SF3B3: variants seen among roughly 807,000 people sequenced by gnomAD.
SF3B3 encodes the protein SAP 130.
A neutral mutation model predicts 139.2 loss-of-function variants in SF3B3; 33 were observed. The observed-to-expected ratio is 0.24, with a 90% CI of 0.18 to 0.32. SF3B3 has a LOEUF of 0.32. Ranked by LOEUF, SF3B3 falls within the 10% of genes least tolerant of loss-of-function variation. The pLI is 1.00. For synonymous variants in SF3B3, 596 were observed against 563.6 expected (o/e 1.06, Z -0.81); for missense variants, 818 against 1,509.4 (o/e 0.54, Z 7.59).
At chr16:70,527,458 TCTGAATACTTAATGTGGTA>T (rs1281484357) in intron 2 of SF3B3, among the ~76,000 whole-genome samples, 11 of 152,238 alleles carry the variant, frequency 7.2e-5, no homozygotes, top group East Asian at 1.9e-4. Context: ...GAGGTTTAAC[TCTGAATACTTAATGTGGTA>T]CTGAATACTT....
rs1489711704 is a variant in SF3B3, at chr16:70,560,582, C to G, written c.2124C>G (p.Gly708=). ...PVKLFRVRMQ[G]QEAVLAMSSR... is the part of the protein sequence containing the mutation. ...AGCTCTTCCGAGTCCGAATGCAAGGCCAGGAGGCAGTAAGTAATGAAGGTT... is the reference window on the plus strand; with the variant it reads ...AGCTCTTCCGAGTCCGAATGCAAGGGCAGGAGGCAGTAAGTAATGAAGGTT... The change falls in exon 16 of 26, where the codon GGC becomes GGG. Residue 708 remains glycine, a synonymous_variant. Coordinates refer to ENST00000302516, the MANE Select transcript of SF3B3 (RefSeq NM_012426.5). The G allele has an allele frequency of 1.2e-5, 20 of 1,613,468 alleles. No homozygotes were observed. Among genetic ancestry groups the G allele is most frequent in the Admixed American group, 1.7e-5 (1 of 59,994 alleles).
Position 70,568,489 on chromosome 16 carries a change from A to G in SF3B3, c.3159A>G (p.Ile1053Met). The G allele has an allele frequency of 6.2e-7, 1 of 1,612,884 alleles. No individual in the cohort carries two copies. Among genetic ancestry groups the G allele is most frequent in the Non-Finnish European group, 8.5e-7 (1 of 1,179,276 alleles). ...CTGGGGCAGACAAGTTTGGCAACAT[A>G]TGTGTGGTGAGTTGATGTTGTTAAC... Reference protein sequence around the residue: ...TVAGADKFGNICVVRLPPNTN... With the variant: ...TVAGADKFGNMCVVRLPPNTN... The change falls in exon 22 of 26, where the codon ATA (isoleucine) becomes ATG (methionine). Residue 1053 changes from isoleucine to methionine, a missense_variant. This residue lies in a region of SF3B3 where 91 missense variants were observed against 171.8 expected (regional missense o/e 0.53). Coordinates refer to ENST00000302516, the MANE Select transcript of SF3B3 (RefSeq NM_012426.5).
chr16:70,544,679 A>G (rs1567415562), intron 10 of SF3B3, 146 bp downstream of exon 10: 2 of 600,366 alleles, frequency 3.3e-6, no homozygotes, highest in East Asian at 2.9e-5. Context: ...CCCGAAGTTT[A>G]TACTTCAGAT....
chr16:70,526,202 TTTTA>T (rs1350466228), intron 1 of SF3B3, among the ~76,000 whole-genome samples: 1 of 151,778 alleles, frequency 6.6e-6, no homozygotes, highest in Non-Finnish European at 1.5e-5. Flanking sequence ...GTCCCGTGCT[TTTTA>T]TTTATTTATT....
intron 11 of SF3B3, among the ~76,000 whole-genome samples, chr16:70,549,599 T>C (rs577440928): frequency 1.3e-5 from 2 of 152,332 alleles, no homozygotes; most frequent in South Asian, 4.1e-4. Flanking sequence ...TTTCTTTTTT[T>C]CTTTTAACTT....
At chr16:70,538,244 C>A (rs902375639) in intron 6 of SF3B3, 79 bp from the exon 7 acceptor site, 25 of 1,293,628 alleles carry the variant, frequency 1.9e-5, no homozygotes, top group African/African-American at 2.9e-5. Context: ...CATTTGTAAT[C>A]CCTATTGGTA....
intron 12 of SF3B3, 62 bp from the exon 13 acceptor site, chr16:70,554,989 G>C (rs2050366033): frequency 6.6e-7 from 1 of 1,505,176 alleles, no homozygotes; most frequent in Non-Finnish European, 9.1e-7. Context: ...ATAGATGTGA[G>C]GGTCATTCTG....
chr16:70,544,985 A>G lies in SF3B3; in HGVS notation c.1329+452A>G, dbSNP rs183475199. Among the ~76,000 whole-genome samples the G allele has an allele frequency of 3.3e-5, 5 of 152,366 alleles. No individual in the cohort carries two copies. The East Asian group carries it at 9.6e-4, about 29-fold the overall frequency. On this transcript the variant is annotated intron_variant, in intron 10 of 25. Coordinates refer to ENST00000302516, the MANE Select transcript of SF3B3 (RefSeq NM_012426.5). ...ATCTAGTCTTAGTTAAATCAACTAT[A>G]TCAATGCTATATATATTTTTGTATC...
intron 11 of SF3B3, among the ~76,000 whole-genome samples, chr16:70,552,589 C>G (rs994590540): frequency 6.6e-6 from 1 of 152,162 alleles, no homozygotes; most frequent in African/African-American, 2.4e-5. Flanking sequence ...TAACCAAAAA[C>G]CAAGTATCTA....
intron 15 of SF3B3, among the ~76,000 whole-genome samples, chr16:70,559,674 G>C (rs2050410387): frequency 6.6e-6 from 1 of 152,042 alleles, no homozygotes; most frequent in Non-Finnish European, 1.5e-5. Context: ...GTGACAGAGT[G>C]AGAACCTGTC....
At position 70,532,636 on chromosome 16, in the gene SF3B3, AGCT is replaced by A; in HGVS notation, c.712+20_712+22del. 1.2e-6 allele frequency: 2 copies of A among 1,613,664 alleles called. No individual in the cohort carries two copies. The highest frequency in any genetic ancestry group is 1.7e-6 in the Non-Finnish European group (2 of 1,179,630). On this transcript the variant is annotated intron_variant, in intron 5 of 25. Transcript: ENST00000302516. ...CTTATTACAGGTACTTTTCTTTCAG[AGCT>A]GCTTTGTACCCTTTTACTTGGTTCA...
intron 18 of SF3B3, among the ~76,000 whole-genome samples, chr16:70,564,465 A>G (rs1179456774): frequency 1.3e-5 from 2 of 152,162 alleles, no homozygotes; most frequent in African/African-American, 4.8e-5. Context: ...GCCCCAAAGT[A>G]CTTCATTTTA....
At chr16:70,568,693 T>G (rs938052804) in intron 22 of SF3B3, among the ~76,000 whole-genome samples, 198 bp downstream of exon 22, 4 of 152,222 alleles carry the variant, frequency 2.6e-5, no homozygotes, top group African/African-American at 9.6e-5. Flanking sequence ...GTGGTTTATC[T>G]CCCTCCTCCC....
At chr16:70,564,095 A>C (rs1268614570) in intron 18 of SF3B3, 45 bp downstream of exon 18, 2 of 1,589,770 alleles carry the variant, frequency 1.3e-6, no homozygotes, top group Non-Finnish European at 1.7e-6. Flanking sequence ...GATGTGTGAA[A>C]TTATGTTGAA....
chr16:70,538,997 G>T (rs1380131170), intron 7 of SF3B3, 107 bp from the exon 8 acceptor site: 1 of 833,082 alleles, frequency 1.2e-6, no homozygotes, highest in Non-Finnish European at 2.1e-6. Flanking sequence ...TTGACCCCTG[G>T]TCAGATATGA....
rs373790114 is a variant in SF3B3 at position 70,529,288 on chromosome 16, T to TA, written c.397+90dup. On this transcript the variant is annotated intron_variant, in intron 3 of 25. Transcript: ENST00000302516. ...GGTGTGCCAGTGCCAATTAATTACT[T>TA]ATGTGGGTTTGGCATCATGTTTGGA... 32 of 1,070,574 alleles carry TA rather than the reference T, an allele frequency of 3.0e-5. No homozygotes were observed. The East Asian group carries it at 7.2e-4, about 24-fold the overall frequency. 66.3% of individuals were successfully genotyped at this position (1,070,574 alleles called of 1,614,324 possible).
At chr16:70,531,035 G>A in intron 4 of SF3B3, 118 bp downstream of exon 4, 1 of 834,752 alleles carries the variant, frequency 1.2e-6, no homozygotes, top group Non-Finnish European at 1.9e-6. Flanking sequence ...TGGGAGGCAA[G>A]GCTGGCGGAT....
intron 19 of SF3B3, 26 bp from the exon 20 acceptor site, chr16:70,565,342 A>G: frequency 2.5e-6 from 4 of 1,613,428 alleles, no homozygotes; most frequent in Non-Finnish European, 3.4e-6. Flanking sequence ...CTAAGGCCTT[A>G]CTCTTGCTTC....
In SF3B3 at chr16:70,571,206, TG is replaced by T; in HGVS notation, c.3513+12del. The stretch of plus-strand genomic sequence containing the variant: ...CTACTACTTCCCTGTGAAGGTAGGT[TG>T]GGGGAATCTGAGCTGAAAAGGGAGA... On this transcript the variant is annotated splice_region_variant and intron_variant, in intron 25 of 25. Transcript: ENST00000302516. 1 of 1,578,926 alleles carries T rather than the reference TG, an allele frequency of 6.3e-7. No homozygotes were observed. Among genetic ancestry groups the T allele is most frequent in the Non-Finnish European group, 8.7e-7 (1 of 1,148,030 alleles).
Sources: gnomAD v4.1 joint callset for allele counts (sites outside exome capture counted in the v4.1 genomes callset) on GRCh38, gnomAD v4.1.1 for gene constraint, gnomAD v4.1.1 regional missense constraint, MANE v1.5 for transcripts, NCBI Gene and HGNC (gene_info 2026-07-23, HGNC 2026-07-21) for gene names.